ANKS1B: variants seen among roughly 807,000 people sequenced by gnomAD.
The protein encoded by ANKS1B is ankyrin repeat and sterile alpha motif domain-containing protein 1B.
Under a neutral mutation model 148.3 loss-of-function variants are expected in ANKS1B, and 36 were observed. The ratio of observed to expected loss-of-function variants is 0.24; its 90% CI spans 0.19 to 0.32. The LOEUF is 0.32. Ranked by LOEUF, ANKS1B falls within the 10% of genes least tolerant of loss-of-function variation. The pLI is 1.00. For synonymous variants in ANKS1B, 542 were observed against 560.8 expected (o/e 0.97, Z 0.47); for missense variants, 1,157 against 1,542.6 (o/e 0.75, Z 4.19).
chr12:99,143,717 C>A (rs1160203596), intron 15 of ANKS1B, among the ~76,000 whole-genome samples: 1 of 151,990 alleles, frequency 6.6e-6, no homozygotes, highest in Non-Finnish European at 1.5e-5. Context: ...TTTTTACAAC[C>A]CTGTGTATGG....
chr12:99,862,624 A>G (rs2090185063), intron 1 of ANKS1B, among the ~76,000 whole-genome samples: 1 of 152,250 alleles, frequency 6.6e-6, no homozygotes, highest in Non-Finnish European at 1.5e-5. Flanking sequence ...AATGCTATTC[A>G]GTTATCAAAG....
intron 10 of ANKS1B, among the ~76,000 whole-genome samples, chr12:99,491,946 C>T (rs1250523224): frequency 1.3e-5 from 2 of 152,202 alleles, no homozygotes; most frequent in East Asian, 1.9e-4. Flanking sequence ...TAAATGCCCA[C>T]ATCAAAAATT....
intron 8 of ANKS1B, among the ~76,000 whole-genome samples, chr12:99,703,798 C>T (rs2153524439): frequency 6.6e-6 from 1 of 152,194 alleles, no homozygotes; most frequent in Middle Eastern, 3.4e-3. Flanking sequence ...ATTCCCAGTG[C>T]CTAGCGCAAA....
intron 17 of ANKS1B, among the ~76,000 whole-genome samples, chr12:98,862,891 G>T (rs541466193): frequency 2.8e-4 from 42 of 152,270 alleles, no homozygotes; most frequent in African/African-American, 9.1e-4. Flanking sequence ...TTTTTCCAAA[G>T]AATGTTTTTG....
intron 14 of ANKS1B, among the ~76,000 whole-genome samples, chr12:99,214,997 A>G (rs528678716): frequency 9.2e-5 from 14 of 152,330 alleles, no homozygotes; most frequent in African/African-American, 3.4e-4. Flanking sequence ...AGAAAGGATT[A>G]GGGTACCTGG....
chr12:99,212,422 C>T (rs1463684007), intron 14 of ANKS1B, among the ~76,000 whole-genome samples: 2 of 151,924 alleles, frequency 1.3e-5, no homozygotes, highest in Non-Finnish European at 2.9e-5. Context: ...AGCTGACTTT[C>T]CCCCTATGCA....
chr12:99,368,438 C>T (rs144022722), intron 12 of ANKS1B, among the ~76,000 whole-genome samples: 142 of 151,936 alleles, frequency 9.3e-4, no homozygotes, highest in African/African-American at 3.3e-3. Flanking sequence ...TAGTTTTGTT[C>T]TCATTAGAAC....
At chr12:99,469,797 C>T (rs564218850) in intron 10 of ANKS1B, among the ~76,000 whole-genome samples, 1 of 151,988 alleles carries the variant, frequency 6.6e-6, no homozygotes, top group East Asian at 1.9e-4. Context: ...AGATTCTATC[C>T]ATTTTACTTT....
intron 14 of ANKS1B, among the ~76,000 whole-genome samples, chr12:99,223,309 G>A (rs531744715): frequency 2.8e-4 from 43 of 152,286 alleles, no homozygotes; most frequent in Admixed American, 1.9e-3. Context: ...GGCCCAGGGT[G>A]GAGGATAGTT....
intron 9 of ANKS1B, among the ~76,000 whole-genome samples, chr12:99,521,704 T>G (rs1213522552): frequency 6.6e-6 from 1 of 151,944 alleles, no homozygotes; most frequent in Non-Finnish European, 1.5e-5. Flanking sequence ...CCTAAACAAA[T>G]AGAGTCAGTG....
intron 1 of ANKS1B, among the ~76,000 whole-genome samples, chr12:99,889,867 A>G (rs2093006530): frequency 6.6e-6 from 1 of 152,198 alleles, no homozygotes; most frequent in African/African-American, 2.4e-5. Context: ...TAGCTCTTCC[A>G]GAATCATACT....
intron 1 of ANKS1B, among the ~76,000 whole-genome samples, chr12:99,901,376 C>G (rs1047377954): frequency 4.6e-5 from 7 of 152,310 alleles, no homozygotes; most frequent in African/African-American, 1.4e-4. Flanking sequence ...CCAGCTGTCC[C>G]CACAATTTCG....
intron 17 of ANKS1B, among the ~76,000 whole-genome samples, chr12:99,019,044 G>A (rs7959046): frequency 0.27 from 41,071 of 152,038 alleles, 5,912 homozygotes; most frequent in South Asian, 0.38. Context: ...TGAAGCCAAC[G>A]TTATGTGTCA....
chr12:99,497,233 T>C (rs572477287), intron 10 of ANKS1B, among the ~76,000 whole-genome samples: 8 of 152,334 alleles, frequency 5.3e-5, no homozygotes, highest in African/African-American at 1.9e-4. Context: ...CATAAATAGT[T>C]GTTATACAGT....
At chr12:98,746,775 C>G (rs1366290798) in intron 26 of ANKS1B, among the ~76,000 whole-genome samples, 3 of 152,130 alleles carry the variant, frequency 2.0e-5, no homozygotes, top group Non-Finnish European at 4.4e-5. Flanking sequence ...AAATGGACAG[C>G]CGAAGGACCA....
intron 17 of ANKS1B, among the ~76,000 whole-genome samples, chr12:98,921,894 C>A (rs1402202240): frequency 6.6e-6 from 1 of 152,012 alleles, no homozygotes; most frequent in Non-Finnish European, 1.5e-5. Flanking sequence ...CAGTCTGAAC[C>A]AAAATTCTGT....
chr12:99,473,947 A>G (rs567885667), intron 10 of ANKS1B, among the ~76,000 whole-genome samples: 49 of 152,196 alleles, frequency 3.2e-4, no homozygotes, highest in Admixed American at 1.7e-3. Context: ...GTCTTGTGTA[A>G]GAAATCCTTC....
chr12:99,660,273 C>G (rs917253562), intron 8 of ANKS1B, among the ~76,000 whole-genome samples: 1 of 152,058 alleles, frequency 6.6e-6, no homozygotes, highest in Non-Finnish European at 1.5e-5. Context: ...ACTTACTCTA[C>G]TTGCCTGATG....
At chr12:99,476,266 G>T (rs998439021) in intron 10 of ANKS1B, among the ~76,000 whole-genome samples, 3 of 152,036 alleles carry the variant, frequency 2.0e-5, no homozygotes, top group Non-Finnish European at 4.4e-5. Flanking sequence ...GGTGGCACAC[G>T]CTTGTAATCC....
Sources: gnomAD v4.1 joint callset for allele counts (sites outside exome capture counted in the v4.1 genomes callset) on GRCh38, gnomAD v4.1.1 for gene constraint, MANE v1.5 for transcripts, NCBI Gene and HGNC (gene_info 2026-07-23, HGNC 2026-07-21) for gene names.